SERHL2: variants seen among roughly 807,000 people sequenced by gnomAD.
SERHL2 encodes serine hydrolase like 2, also known as serine hydrolase-like protein 2.
SERHL2 carries 29 observed loss-of-function variants against 25.5 expected under a neutral mutation model. The observed-to-expected ratio is 1.14, with a 90% CI of 0.85 to 1.55. SERHL2 has a LOEUF of 1.55. Ranked by LOEUF, SERHL2 falls within the 40% of genes most tolerant of loss-of-function variation. SERHL2 has a pLI of 0.00. For synonymous variants in SERHL2, 95 were observed against 103.5 expected (o/e 0.92, Z 0.50); for missense variants, 240 against 252.3 (o/e 0.95, Z 0.33).
chr22:42,570,653 C>T (rs554257484), intron 9 of SERHL2, among the ~76,000 whole-genome samples: 19 of 152,298 alleles, frequency 1.2e-4, no homozygotes, highest in Non-Finnish European at 2.2e-4. Context: ...GGGGCCATCA[C>T]GGAGTGCCCA....
intron 8 of SERHL2, among the ~76,000 whole-genome samples, chr22:42,561,575 C>T (rs1463443403): frequency 6.6e-6 from 1 of 151,494 alleles, no homozygotes; most frequent in African/African-American, 2.4e-5. Context: ...AGGCAGCCCA[C>T]CCTGGTAGGC....
chr22:42,561,622 C>A (rs143885195), intron 8 of SERHL2, among the ~76,000 whole-genome samples: 1 of 151,650 alleles, frequency 6.6e-6, no homozygotes, highest in African/African-American at 2.4e-5. Flanking sequence ...AATTCAGTCT[C>A]GTGTGGCCAG....
In SERHL2 at chr22:42,573,959, A is replaced by G. The variant is rs1351339128; in HGVS notation, c.849A>G (p.Pro283=). The G allele has an allele frequency of 5.9e-6, 9 of 1,536,846 alleles. No individual in the cohort carries two copies. Among genetic ancestry groups the G allele is most frequent in the African/African-American group, 1.5e-5 (1 of 67,194 alleles). The change falls in exon 12 of 12, where the codon CCA becomes CCG. Residue 283 remains proline, a synonymous_variant. Coordinates refer to ENST00000327678, the MANE Select transcript of SERHL2 (RefSeq NM_014509.5). Reference sequence around the variant, plus strand: ...AGCAGTTCCAGTTTGTGGAAGTCCCAGGCAATCACTGTGTCCACATGAGCG... The same window carrying G: ...AGCAGTTCCAGTTTGTGGAAGTCCCGGGCAATCACTGTGTCCACATGAGCG... ...LKEQFQFVEV[P]GNHCVHMSEP...
At chr22:42,571,544 G>A (rs1368193312) in intron 10 of SERHL2, 5 of 970,094 alleles carry the variant, frequency 5.2e-6, no homozygotes, top group Non-Finnish European at 6.4e-6. Flanking sequence ...TCCTGCCTCA[G>A]CCTCCCGAGT....
intron 1 of SERHL2, 138 bp downstream of exon 1, chr22:42,554,180 G>A (rs1447531653): frequency 4.5e-6 from 5 of 1,105,976 alleles, no homozygotes; most frequent in Admixed American, 4.3e-5. Flanking sequence ...CGGCAGTCCC[G>A]GGGCATGAGA....
At chr22:42,560,376 C>T in intron 8 of SERHL2, 111 bp downstream of exon 8, 2 of 762,272 alleles carry the variant, frequency 2.6e-6, no homozygotes, top group Non-Finnish European at 4.6e-6. Context: ...CAAACAGCAT[C>T]TCACTGAATC....
chr22:42,572,394 TC>T (rs1358162668), intron 10 of SERHL2, 41 bp from the exon 11 acceptor site: 1 of 1,497,040 alleles, frequency 6.7e-7, no homozygotes. Flanking sequence ...GGGAGGCGGT[TC>T]TAAGATGAAC....
rs989647226 is a variant in SERHL2, at chr22:42,562,494, G to C, written c.613+2229G>C. 2.6e-5 allele frequency among the ~76,000 whole-genome samples: 4 copies of C among 151,828 alleles called. 1 individual carries two copies. The highest frequency in any genetic ancestry group is 4.4e-5 in the Non-Finnish European group (3 of 67,950). Reference sequence around the variant, plus strand: ...CAGGAGCCCGTTGGCTTGTGTGTGAGGTTCTCTGGGTGGGTTACAGAGTGC... The same window carrying C: ...CAGGAGCCCGTTGGCTTGTGTGTGACGTTCTCTGGGTGGGTTACAGAGTGC... On this transcript the variant is annotated intron_variant, in intron 8 of 11. Transcript: ENST00000327678.
chr22:42,572,681 T>G, intron 11 of SERHL2, 152 bp downstream of exon 11: 1 of 1,413,288 alleles, frequency 7.1e-7, no homozygotes, highest in Non-Finnish European at 9.3e-7. Flanking sequence ...TGCTCCACTG[T>G]GGTCAGTCCC....
chr22:42,570,798 G>A (rs1304470845), intron 9 of SERHL2, among the ~76,000 whole-genome samples: 1 of 152,078 alleles, frequency 6.6e-6, no homozygotes, highest in Admixed American at 6.5e-5. Flanking sequence ...CTAAAATCCA[G>A]GCCCAGAAGT....
At chr22:42,563,182 CTTTTTTTCTTTTTT>C (rs1218354054) in intron 8 of SERHL2, among the ~76,000 whole-genome samples, 1 of 125,708 alleles carries the variant, frequency 8.0e-6, no homozygotes, top group Non-Finnish European at 1.6e-5. Flanking sequence ...CTGGCTTTTT[CTTTTTTTCTTTTTT>C]TTTTTTTTTG....
At position 42,571,195 on chromosome 22, in the gene SERHL2, G is replaced by A. The variant is rs540372535; in HGVS notation, c.723G>A (p.Leu241=). The A allele has an allele frequency of 6.2e-6, 10 of 1,613,352 alleles. No individual in the cohort carries two copies. In the Admixed American group the frequency reaches 1.5e-4, roughly 24 times the overall value. Residue 241 remains leucine (L), a synonymous_variant, in exon 10 of 12, where the codon CTG becomes CTA. Coordinates refer to ENST00000327678, the MANE Select transcript of SERHL2 (RefSeq NM_014509.5). ...HSIRKLQAHV[L]LIKAVHGYFD... is the part of the protein sequence containing the mutation. Reference sequence around the variant, plus strand: ...TCAGGAAGCTGCAGGCCCATGTCCTGTTGATCAAGTAAGTCTGGACCCATC... The same window carrying A: ...TCAGGAAGCTGCAGGCCCATGTCCTATTGATCAAGTAAGTCTGGACCCATC...
chr22:42,561,525 G>T (rs533187851), intron 8 of SERHL2, among the ~76,000 whole-genome samples: 1 of 151,772 alleles, frequency 6.6e-6, no homozygotes, highest in South Asian at 2.1e-4. Context: ...GGTGCAGGCC[G>T]GGAGGGAGGC....
At chr22:42,559,119 G>A (rs1416028500) in intron 7 of SERHL2, among the ~76,000 whole-genome samples, 1 of 100,528 alleles carries the variant, frequency 9.9e-6, no homozygotes, top group Non-Finnish European at 1.9e-5. Flanking sequence ...CACAGGCCAG[G>A]CGCAGTGGCT....
At chr22:42,563,677 C>A (rs561643441) in intron 8 of SERHL2, among the ~76,000 whole-genome samples, 1 of 151,744 alleles carries the variant, frequency 6.6e-6, no homozygotes, top group East Asian at 1.9e-4. Flanking sequence ...AATAGATTGC[C>A]CACATTTTAT....
At chr22:42,570,813 C>T (rs1190014583) in intron 9 of SERHL2, among the ~76,000 whole-genome samples, 2 of 152,042 alleles carry the variant, frequency 1.3e-5, no homozygotes, top group African/African-American at 4.8e-5. Context: ...AGAAGTGGCC[C>T]AACTCACTTC....
chr22:42,565,989 G>A (rs924597947), intron 8 of SERHL2, among the ~76,000 whole-genome samples: 25 of 152,054 alleles, frequency 1.6e-4, no homozygotes, highest in African/African-American at 5.8e-4. Context: ...AGGAATGAAT[G>A]AGTTTCTCAG....
At chr22:42,572,201 C>T (rs1021964656) in intron 10 of SERHL2, among the ~76,000 whole-genome samples, 4 of 152,064 alleles carry the variant, frequency 2.6e-5, no homozygotes, top group Admixed American at 6.5e-5. Context: ...ACTCCCTGTG[C>T]CCCAGAAAGG....
Position 42,571,111 on chromosome 22 carries a change from G to C in SERHL2, c.649-10G>C. Reference sequence around the variant, plus strand: ...TGTGACGAGAATTCACCATGTTTTTGTCTCTGCAGGCAGAGAACAGCATTG... The same window carrying C: ...TGTGACGAGAATTCACCATGTTTTTCTCTCTGCAGGCAGAGAACAGCATTG... On this transcript the variant is annotated splice_polypyrimidine_tract_variant and intron_variant, in intron 9 of 11. Transcript: ENST00000327678. 1 of 1,613,212 alleles carries C rather than the reference G, an allele frequency of 6.2e-7. No homozygotes were observed. The highest frequency in any genetic ancestry group is 8.5e-7 in the Non-Finnish European group (1 of 1,179,466).
Sources: allele counts gnomAD v4.1 joint callset (sites outside exome capture counted in the v4.1 genomes callset), GRCh38; gene constraint gnomAD v4.1.1; transcripts MANE v1.5; gene names NCBI Gene and HGNC (gene_info 2026-07-23, HGNC 2026-07-21).